STK31: variants seen among roughly 807,000 people sequenced by gnomAD.
STK31 encodes the protein serine/threonine-protein kinase 31.
Under a neutral mutation model 129.7 loss-of-function variants are expected in STK31, and 89 were observed. That is an observed-to-expected ratio of 0.69 (90% CI 0.58 to 0.82). The LOEUF (loss-of-function observed/expected upper bound fraction) is 0.82, where lower values mean the gene tolerates loss of function less well. Ranked by LOEUF, STK31 falls within the 40% of genes least tolerant of loss-of-function variation. STK31 has a pLI of 0.00. For missense variants in STK31, 1,187 were observed against 1,176.4 expected (o/e 1.01, Z -0.13); for synonymous variants, 448 against 395.3 (o/e 1.13, Z -1.58).
intron 8 of STK31, among the ~76,000 whole-genome samples, chr7:23,748,398 C>T (rs1191725441): frequency 6.6e-6 from 1 of 152,092 alleles, no homozygotes; most frequent in East Asian, 1.9e-4. Context: ...TCCATGTGAT[C>T]TTGACAGGAA....
At chr7:23,744,704 G>A (rs1236147221) in intron 8 of STK31, among the ~76,000 whole-genome samples, 2 of 152,146 alleles carry the variant, frequency 1.3e-5, no homozygotes. Flanking sequence ...GATTCCTTTG[G>A]ATGTGAATAG....
Position 23,775,738 on chromosome 7 carries a change from A to G in STK31, c.1965+3460A>G, listed in dbSNP as rs570009436. 2.0e-5 allele frequency among the ~76,000 whole-genome samples: 3 copies of G among 152,126 alleles called. No individual in the cohort carries two copies. In the South Asian group the frequency reaches 6.2e-4, roughly 32 times the overall value. ...CTTAAGGAGATTTTGGGCTGAGACG[A>G]TGGGGTTTTCTAAATATACAATCAT... On this transcript the variant is annotated intron_variant, in intron 15 of 23. Coordinates refer to ENST00000355870, the MANE Select transcript of STK31 (RefSeq NM_031414.5).
rs151179658 is a variant in STK31, at chr7:23,827,430, C to T, written c.2830-4706C>T. On this transcript the variant is annotated intron_variant, in intron 23 of 23. Transcript: ENST00000355870. ...TGCATTCGTCATGTATTTCTCGTGC[C>T]ATGGTTTTCAGCTCCATGAGGTCCT... Among the ~76,000 whole-genome samples, 556 of 152,264 alleles carry T rather than the reference C, an allele frequency of 3.7e-3. 2 individuals are homozygous for T. Among genetic ancestry groups the T allele is most frequent in the Non-Finnish European group, 5.4e-3 (370 of 68,034 alleles).
At chr7:23,818,931 A>G (rs1793626986) in intron 23 of STK31, among the ~76,000 whole-genome samples, 1 of 152,122 alleles carries the variant, frequency 6.6e-6, no homozygotes, top group Non-Finnish European at 1.5e-5. Flanking sequence ...CCTCATTGCT[A>G]TTTTTAAAAT....
chr7:23,827,728 T>C (rs553279498), intron 23 of STK31, among the ~76,000 whole-genome samples: 4 of 152,312 alleles, frequency 2.6e-5, no homozygotes, highest in African/African-American at 9.6e-5. Flanking sequence ...TGTGGTTTTA[T>C]CTACCTTTGG....
intron 10 of STK31, among the ~76,000 whole-genome samples, chr7:23,757,808 C>T (rs961039189): frequency 3.3e-5 from 5 of 152,146 alleles, no homozygotes; most frequent in African/African-American, 9.7e-5. Flanking sequence ...CCCACGAAGC[C>T]GTATTTCAGA....
At chr7:23,767,512 A>G (rs538452936) in intron 11 of STK31, among the ~76,000 whole-genome samples, 27 of 152,306 alleles carry the variant, frequency 1.8e-4, no homozygotes, top group South Asian at 1.2e-3. Flanking sequence ...CCTACTCTTC[A>G]GCAAACCTCT....
intron 17 of STK31, among the ~76,000 whole-genome samples, chr7:23,784,564 G>A (rs1791145267): frequency 6.6e-6 from 1 of 151,946 alleles, no homozygotes; most frequent in Admixed American, 6.6e-5. Context: ...GATTATAAAA[G>A]GTTTGACTCA....
chr7:23,803,025 A>G (rs1792475360), intron 22 of STK31, among the ~76,000 whole-genome samples: 2 of 152,118 alleles, frequency 1.3e-5, no homozygotes, highest in Non-Finnish European at 2.9e-5. Flanking sequence ...GATTCTATAC[A>G]TGTGTTGTTA....
At chr7:23,754,810 C>G (rs4722269) in intron 10 of STK31, among the ~76,000 whole-genome samples, 1 of 151,952 alleles carries the variant, frequency 6.6e-6, no homozygotes, top group Admixed American at 6.6e-5. Context: ...TCATCCATGT[C>G]GTTGCAAAGG....
intron 15 of STK31, among the ~76,000 whole-genome samples, chr7:23,777,737 G>A (rs563723095): frequency 4.6e-5 from 7 of 151,986 alleles, no homozygotes; most frequent in East Asian, 1.9e-4. Flanking sequence ...GTCTTTGCAC[G>A]TCAGATGGGT....
At position 23,754,334 on chromosome 7, in the gene STK31, C is replaced by T. The variant is rs35995607; in HGVS notation, c.1153C>T (p.Arg385Cys). Reference protein sequence around the residue: ...KEMRHVDISVRFGKDLSDAIQ... With the variant: ...KEMRHVDISVCFGKDLSDAIQ... ...AAATAGGCATGTCGACATCAGTGTCCGTTTCGGAAAAGACCTTTCAGATGC... is the reference window on the plus strand; with the variant it reads ...AAATAGGCATGTCGACATCAGTGTCTGTTTCGGAAAAGACCTTTCAGATGC... The change falls in exon 10 of 24, where the codon CGT (arginine) becomes TGT (cysteine). Residue 385 changes from arginine (R) to cysteine (C), a missense_variant. Coordinates refer to ENST00000355870, the MANE Select transcript of STK31 (RefSeq NM_031414.5). The T allele has an allele frequency of 5.3e-3, 8,594 of 1,609,966 alleles. 38 individuals are homozygous for T. Among genetic ancestry groups the T allele is most frequent in the Middle Eastern group, 0.02 (119 of 6,052 alleles).
chr7:23,747,284 A>G (rs1788414729), intron 8 of STK31, among the ~76,000 whole-genome samples: 1 of 152,184 alleles, frequency 6.6e-6, no homozygotes, highest in Admixed American at 6.5e-5. Flanking sequence ...CAGTGAACTT[A>G]TATAGGCCTG....
intron 22 of STK31, among the ~76,000 whole-genome samples, chr7:23,810,948 C>T (rs2128125515): frequency 6.9e-6 from 1 of 145,070 alleles, no homozygotes; most frequent in African/African-American, 2.5e-5. Flanking sequence ...TATACACACA[C>T]ACACACACAC....
intron 10 of STK31, among the ~76,000 whole-genome samples, chr7:23,755,791 A>G (rs536854205): frequency 6.6e-6 from 1 of 152,286 alleles, no homozygotes; most frequent in African/African-American, 2.4e-5. Context: ...GGTTTGTCGA[A>G]GATCAGATGG....
intron 4 of STK31, chr7:23,726,355 A>G (rs896861489): frequency 1.4e-5 from 2 of 142,542 alleles, no homozygotes; most frequent in African/African-American, 5.2e-5. Flanking sequence ...CCCAAGTGCC[A>G]GTAGTGCTAA....
rs755832892 is a variant in STK31, at chr7:23,769,110, G to A, written c.1532G>A (p.Ser511Asn). The A allele has an allele frequency of 9.3e-6, 15 of 1,612,936 alleles. No homozygotes were observed. The South Asian group carries it at 1.2e-4, about 13-fold the overall frequency. Residue 511 changes from serine (S) to asparagine (N), a missense_variant, in exon 12 of 24, where the codon AGT (serine) becomes AAT (asparagine). By Grantham distance (46) the Ser-to-Asn change is conservative. This residue lies in a region of STK31 where 975 missense variants were observed against 934.9 expected (regional missense o/e 1.04). Coordinates refer to ENST00000355870, the MANE Select transcript of STK31 (RefSeq NM_031414.5). ...WKCDKREEFT[S>N]VRSETDASLH... The stretch of plus-strand genomic sequence containing the variant: ...TGTGATAAAAGAGAGGAGTTCACCA[G>A]TGTTAGAAGTGAAACAGACGCTTCT...
chr7:23,717,058 C>T (rs968049332), intron 3 of STK31, among the ~76,000 whole-genome samples: 18 of 140,488 alleles, frequency 1.3e-4, no homozygotes, highest in South Asian at 2.3e-4. Context: ...CTCGGCCCTC[C>T]AAAGTGATGG....
chr7:23,767,139 A>G (rs1442087859), intron 11 of STK31, among the ~76,000 whole-genome samples: 3 of 151,950 alleles, frequency 2.0e-5, no homozygotes, highest in African/African-American at 7.3e-5. Context: ...AATATTTATT[A>G]TGCTTATTTT....
Sources: allele counts gnomAD v4.1 joint callset (sites outside exome capture counted in the v4.1 genomes callset), GRCh38; gene constraint gnomAD v4.1.1; regional missense constraint gnomAD v4.1.1; transcripts MANE v1.5; gene names NCBI Gene and HGNC (gene_info 2026-07-23, HGNC 2026-07-21).